Variants in TMEM192 observed in about 807,000 individuals in gnomAD.
TMEM192 encodes the protein transmembrane protein 192.
TMEM192 carries 20 observed loss-of-function variants against 26.7 expected under a neutral mutation model. The observed-to-expected ratio is 0.75, with a 90% confidence interval of 0.53 to 1.09. The LOEUF (loss-of-function observed/expected upper bound fraction) is 1.09, where lower values mean the gene tolerates loss of function less well. Ranked by LOEUF, TMEM192 falls within the 50% of genes least tolerant of loss-of-function variation. The pLI is 0.00. For synonymous variants in TMEM192, 124 were observed against 121.0 expected (o/e 1.02, Z -0.16); for missense variants, 304 against 322.6 (o/e 0.94, Z 0.44).
intron 1 of TMEM192, among the ~76,000 whole-genome samples, chr4:165,109,663 C>A (rs1735248811): frequency 2.6e-5 from 4 of 152,188 alleles, no homozygotes; most frequent in Admixed American, 2.6e-4. Context: ...CCGCACCTGG[C>A]CAGACCTGGG....
rs748410568 is a variant in TMEM192, at chr4:165,100,664, G to A, written c.403C>T (p.His135Tyr). The A allele has an allele frequency of 2.5e-6, 4 of 1,614,120 alleles. No individual in the cohort carries two copies. In the South Asian group the frequency reaches 4.4e-5, roughly 18 times the overall value. ...ATCATCAACGCAAGTCTCTTGAGAT[G>A]CCTTGTTGATCGGTAGATCAAGTTA... ...GYNLIYRSTR[H>Y]LKRLALMIQS... The change falls in exon 3 of 6, where the codon CAT becomes TAT. Residue 135 changes from histidine (H) to tyrosine (Y), a missense_variant. His to Tyr is a moderately conservative substitution (Grantham distance 83). Transcript: ENST00000306480.
chr4:165,072,474 T>C lies in TMEM192; in HGVS notation c.*7184A>G, dbSNP rs1407909817. The C allele has an allele frequency of 6.6e-6, 1 of 151,470 alleles. No individual in the cohort carries two copies. Among genetic ancestry groups the C allele is most frequent in the Non-Finnish European group, 1.5e-5 (1 of 68,046 alleles). 9.4% of individuals were successfully genotyped at this position (151,470 alleles called of 1,614,324 possible). A position where few individuals can be genotyped will look rare whatever the true frequency, so the allele number is the denominator to read the frequency against. On this transcript the variant is annotated 3_prime_UTR_variant, in exon 6 of 6. Transcript: ENST00000306480. ...CAGGAGGCTGAAGCAAGAGAATCAC[T>C]TGAACCTGGGAGGCGGAGGTTGCAG...
chr4:165,081,083 C>T (rs961036062), intron 5 of TMEM192, among the ~76,000 whole-genome samples: 5 of 152,060 alleles, frequency 3.3e-5, no homozygotes, highest in African/African-American at 1.2e-4. Flanking sequence ...TAAGTATATT[C>T]GGAAAAAGAC....
At chr4:165,093,613 T>C (rs4285049) in intron 3 of TMEM192, among the ~76,000 whole-genome samples, 130,835 of 151,836 alleles carry the variant, frequency 0.86, 57,034 homozygotes, top group East Asian at 0.96. Context: ...AAGACCACCC[T>C]GTACAATATC....
At position 165,096,442 on chromosome 4, in the gene TMEM192, G is replaced by C. The variant is rs998814474; in HGVS notation, c.439+4186C>G. Among the ~76,000 whole-genome samples, 70 of 151,596 alleles carry C rather than the reference G, an allele frequency of 4.6e-4. 1 individual carries two copies. Among genetic ancestry groups the C allele is most frequent in the Non-Finnish European group, 9.6e-4 (65 of 67,914 alleles). ...ATATATATATGTATTTGGATCTAAG[G>C]AAGGAGAACAGATTAATCAGGTAAA... On this transcript the variant is annotated intron_variant, in intron 3 of 5. Transcript: ENST00000306480.
At chr4:165,100,528 G>T (rs1367214106) in intron 3 of TMEM192, 100 bp downstream of exon 3, 20 of 1,353,064 alleles carry the variant, frequency 1.5e-5, no homozygotes, top group Non-Finnish European at 2.0e-5. Flanking sequence ...TTACAAAAAT[G>T]AGAGAATATA....
At chr4:165,108,140 G>T (rs11100600) in intron 1 of TMEM192, among the ~76,000 whole-genome samples, 4,656 of 18,016 alleles carry the variant, frequency 0.26, 1,058 homozygotes, top group East Asian at 0.4. Flanking sequence ...TTTTTTTTTT[G>T]GAGATGTAGT....
At chr4:165,093,289 G>T (rs1734813915) in intron 3 of TMEM192, among the ~76,000 whole-genome samples, 1 of 151,620 alleles carries the variant, frequency 6.6e-6, no homozygotes, top group African/African-American at 2.4e-5. Flanking sequence ...TAGAGACGGG[G>T]TTTCACCATG....
intron 5 of TMEM192, among the ~76,000 whole-genome samples, chr4:165,080,081 G>A (rs988444515): frequency 1.3e-4 from 20 of 152,130 alleles, no homozygotes; most frequent in Non-Finnish European, 1.6e-4. Context: ...GTTAGAGTAA[G>A]ATAATTGAGT....
At chr4:165,093,976 T>G (rs1000205223) in intron 3 of TMEM192, among the ~76,000 whole-genome samples, 1 of 152,202 alleles carries the variant, frequency 6.6e-6, no homozygotes, top group African/African-American at 2.4e-5. Context: ...CTTGGCTGAC[T>G]GTAACCTCCG....
intron 1 of TMEM192, among the ~76,000 whole-genome samples, chr4:165,107,052 T>C (rs1313234469): frequency 6.6e-6 from 1 of 151,116 alleles, no homozygotes; most frequent in African/African-American, 2.4e-5. Flanking sequence ...TGAGACAGAG[T>C]CTTGCTCTGT....
chr4:165,102,357 T>C (rs1735055568), intron 2 of TMEM192, among the ~76,000 whole-genome samples: 1 of 152,142 alleles, frequency 6.6e-6, no homozygotes, highest in Non-Finnish European at 1.5e-5. Flanking sequence ...GTAAATTATA[T>C]TAGTGTCTCT....
chr4:165,102,819 T>G, intron 2 of TMEM192, 131 bp downstream of exon 2: 1 of 465,716 alleles, frequency 2.1e-6, no homozygotes, highest in Non-Finnish European at 3.3e-6. Context: ...GACACAGCAC[T>G]CAGGATGTCC....
chr4:165,098,560 C>A (rs1734967485), intron 3 of TMEM192, among the ~76,000 whole-genome samples: 1 of 151,916 alleles, frequency 6.6e-6, no homozygotes, highest in Admixed American at 6.6e-5. Context: ...AATCCTCCTA[C>A]CTTGGCCTCC....
Position 165,103,075 on chromosome 4 carries a change from T to G in TMEM192, c.49A>C (p.Ser17Arg), listed in dbSNP as rs1289876771. The G allele has an allele frequency of 1.2e-6, 2 of 1,611,234 alleles. No homozygotes were observed. Among genetic ancestry groups the G allele is most frequent in the Non-Finnish European group, 1.7e-6 (2 of 1,178,870 alleles). Residue 17 changes from serine (S) to arginine (R), a missense_variant, in exon 2 of 6, where the codon AGT becomes CGT. Transcript: ENST00000306480. ...MEDGSLDITQ[S>R]IEDDPLLDAQ... ...TCCAGAAGTGGGTCGTCTTCAATACTCTGGGTGATATCCAAGGAACCCTGG... is the reference window on the plus strand; with the variant it reads ...TCCAGAAGTGGGTCGTCTTCAATACGCTGGGTGATATCCAAGGAACCCTGG...
rs979351619 is a variant in TMEM192, at chr4:165,093,192, G to A, written c.440-4590C>T. On this transcript the variant is annotated intron_variant, in intron 3 of 5. Transcript: ENST00000306480. ...GCTCACGGCAACCTCTGCCTCCAGG[G>A]TTCAAGTGATTCTCCTGCCGCGGCC... Among the ~76,000 whole-genome samples, 29 of 151,186 alleles carry A rather than the reference G, an allele frequency of 1.9e-4. 1 individual carries two copies. Among genetic ancestry groups the A allele is most frequent in the Non-Finnish European group, 1.6e-4 (11 of 67,822 alleles).
chr4:165,085,660 T>C lies in TMEM192; in HGVS notation c.603A>G (p.Lys201=). 6.2e-7 allele frequency: 1 copy of C among 1,610,066 alleles called. No homozygotes were observed. The highest frequency in any genetic ancestry group is 1.1e-5 in the South Asian group (1 of 89,752). The change falls in exon 5 of 6, where the codon AAA becomes AAG. Residue 201 remains lysine, a synonymous_variant. Transcript: ENST00000306480. ...CTTCTTCAAGTATATCAGGCTCTGG[T>C]TTAGCTTTATTAAATCTCCGGATTT... ...TVKIRRFNKA[K]PEPDILEEEK...
chr4:165,108,416 C>G (rs140655455), intron 1 of TMEM192, among the ~76,000 whole-genome samples: 1 of 152,098 alleles, frequency 6.6e-6, no homozygotes, highest in Non-Finnish European at 1.5e-5. Context: ...CCACCGCACC[C>G]GGCCATTTTC....
rs985987946 is a variant in TMEM192 at position 165,088,339 on chromosome 4, A to G, written c.574+129T>C. The G allele has an allele frequency of 3.9e-5, 29 of 751,092 alleles. No individual in the cohort carries two copies. The African/African-American group carries it at 5.0e-4, about 13-fold the overall frequency. The allele number at this position is 751,092 out of a possible 1,614,324, so 46.5% of individuals were successfully genotyped here. On this transcript the variant is annotated intron_variant, in intron 4 of 5. Transcript: ENST00000306480. Reference sequence around the variant, plus strand: ...TACCTTCCTGTTGGTTTGAAATTAAAGAAGTCTGCATGTGGTCACCACTCA... The same window carrying G: ...TACCTTCCTGTTGGTTTGAAATTAAGGAAGTCTGCATGTGGTCACCACTCA...
Sources: gnomAD v4.1 joint callset for allele counts (sites outside exome capture counted in the v4.1 genomes callset) on GRCh38, gnomAD v4.1.1 for gene constraint, MANE v1.5 for transcripts, NCBI Gene and HGNC (gene_info 2026-07-23, HGNC 2026-07-21) for gene names.